Variants in KIAA0825 observed in about 807,000 individuals in gnomAD.
KIAA0825 encodes the protein KIAA0825.
A neutral mutation model predicts 147.6 loss-of-function variants in KIAA0825; 119 were observed. The ratio of observed to expected loss-of-function variants is 0.81; its 90% CI spans 0.69 to 0.94. The LOEUF is 0.94. KIAA0825 is among the 40% of genes least tolerant of loss of function. The pLI is 0.00. For missense variants in KIAA0825, 1,381 were observed against 1,472.7 expected, an observed-to-expected ratio of 0.94 and a Z score of 1.02; for synonymous variants, 470 against 518.1, an observed-to-expected ratio of 0.91 and a Z score of 1.26.
intron 20 of KIAA0825, among the ~76,000 whole-genome samples, chr5:94,257,946 T>G (rs747457990): frequency 3.3e-5 from 5 of 152,052 alleles, no homozygotes; most frequent in Non-Finnish European, 5.9e-5. Flanking sequence ...CAAAATTCTC[T>G]TGTCAAGAAA....
intron 14 of KIAA0825, among the ~76,000 whole-genome samples, chr5:94,429,410 CCT>C (rs1341501537): frequency 6.6e-6 from 1 of 151,882 alleles, no homozygotes; most frequent in African/African-American, 2.4e-5. Flanking sequence ...TCCCTTTTCC[CCT>C]GTTTCTGGGG....
At chr5:94,188,105 C>T (rs780463650) in intron 20 of KIAA0825, among the ~76,000 whole-genome samples, 39 of 152,308 alleles carry the variant, frequency 2.6e-4, no homozygotes, top group Admixed American at 3.9e-4. Context: ...CTGTCTACAA[C>T]CCAGAAGAGG....
intron 3 of KIAA0825, among the ~76,000 whole-genome samples, chr5:94,527,018 A>T: frequency 6.6e-6 from 1 of 152,060 alleles, no homozygotes. Context: ...GAATCACGGT[A>T]CTTAAAATTC....
At chr5:94,291,993 A>G (rs763584381) in intron 20 of KIAA0825, among the ~76,000 whole-genome samples, 5 of 152,192 alleles carry the variant, frequency 3.3e-5, no homozygotes, top group Admixed American at 2.0e-4. Flanking sequence ...GTTGCTTATC[A>G]GCTTAAGGAG....
intron 20 of KIAA0825, among the ~76,000 whole-genome samples, chr5:94,179,983 T>C (rs892925023): frequency 7.9e-5 from 12 of 151,986 alleles, no homozygotes; most frequent in Admixed American, 4.6e-4. Context: ...ACGGTAACAA[T>C]TGCCACACAA....
At chr5:94,253,078 C>T (rs1179848729) in intron 20 of KIAA0825, among the ~76,000 whole-genome samples, 1 of 151,960 alleles carries the variant, frequency 6.6e-6, no homozygotes, top group Non-Finnish European at 1.5e-5. Flanking sequence ...TCTGTCTGTG[C>T]CCATTAAACA....
At chr5:94,265,776 G>A (rs1776716510) in intron 20 of KIAA0825, among the ~76,000 whole-genome samples, 1 of 152,168 alleles carries the variant, frequency 6.6e-6, no homozygotes, top group Non-Finnish European at 1.5e-5. Context: ...ATTCCAGCCT[G>A]GGTGACAGGG....
rs70978110 is a variant in KIAA0825, at chr5:94,443,359, T to TACAC, written c.2358-3242_2358-3239dup. Among the ~76,000 whole-genome samples, 1,217 of 148,718 alleles carry TACAC rather than the reference T, an allele frequency of 8.2e-3. 20 individuals carry two copies. The highest frequency in any genetic ancestry group is 0.028 in the African/African-American group (1,140 of 40,388). On this transcript the variant is annotated intron_variant, in intron 13 of 20. Transcript: ENST00000682413. ...TTTTATATATATATATGTATATATA[T>TACAC]ACACACACACACACACACACACACG... is the stretch of plus-strand genomic sequence containing the variant.
chr5:94,256,181 A>G (rs1020356111), intron 20 of KIAA0825, among the ~76,000 whole-genome samples: 3 of 152,150 alleles, frequency 2.0e-5, no homozygotes, highest in Non-Finnish European at 2.9e-5. Flanking sequence ...ATGTGATTCA[A>G]GAAGGAAATG....
At chr5:94,343,893 C>T (rs1782705162) in intron 20 of KIAA0825, among the ~76,000 whole-genome samples, 3 of 152,088 alleles carry the variant, frequency 2.0e-5, no homozygotes, top group Admixed American at 2.0e-4. Flanking sequence ...TATCCAAATG[C>T]TCAATAAATA....
At chr5:94,197,247 G>C (rs990537845) in intron 20 of KIAA0825, among the ~76,000 whole-genome samples, 4 of 152,100 alleles carry the variant, frequency 2.6e-5, no homozygotes, top group Admixed American at 6.5e-5. Context: ...TCACATGCTT[G>C]TTGGCCATGT....
At chr5:94,529,361 TC>T (rs1440429977) in intron 3 of KIAA0825, among the ~76,000 whole-genome samples, 147 of 144,682 alleles carry the variant, frequency 1.0e-3, no homozygotes, top group African/African-American at 3.6e-3. Context: ...TATGTATATA[TC>T]ATATATGTAT....
At chr5:94,298,462 A>C (rs1562355786) in intron 20 of KIAA0825, among the ~76,000 whole-genome samples, 2 of 152,194 alleles carry the variant, frequency 1.3e-5, no homozygotes, top group Non-Finnish European at 2.9e-5. Flanking sequence ...AGAGAAAGCC[A>C]AAGTTAAAAA....
Position 94,396,250 on chromosome 5 carries a change from A to G in KIAA0825, c.3147T>C (p.Gly1049=). Residue 1049 remains glycine (G), a synonymous_variant, in exon 17 of 21, where the codon GGT becomes GGC. Transcript: ENST00000682413. ...SLDRWSKEKL[G]LICMCLKSIM... ...TGCTTTTCAAACACATACAAATTAA[A>G]CCCAATTTTTCTTTACTCCATCTGT... 2 of 1,551,514 alleles carry G rather than the reference A, an allele frequency of 1.3e-6. No homozygotes were observed. The highest frequency in any genetic ancestry group is 2.4e-5 in the South Asian group (2 of 83,988).
intron 7 of KIAA0825, among the ~76,000 whole-genome samples, chr5:94,473,727 A>G (rs1306124994): frequency 6.6e-6 from 1 of 152,246 alleles, no homozygotes; most frequent in Non-Finnish European, 1.5e-5. Context: ...ACAGTAATAT[A>G]CTGACATTTC....
At chr5:94,311,908 C>G (rs1779218166) in intron 20 of KIAA0825, among the ~76,000 whole-genome samples, 1 of 151,590 alleles carries the variant, frequency 6.6e-6, no homozygotes, top group East Asian at 1.9e-4. Context: ...AGTAAAACCT[C>G]AAGTTCTGCC....
chr5:94,584,197 T>G (rs1024731868), intron 1 of KIAA0825, among the ~76,000 whole-genome samples: 3 of 151,868 alleles, frequency 2.0e-5, no homozygotes, highest in Non-Finnish European at 4.4e-5. Context: ...GTTTGAGGAG[T>G]TGACAGAAGT....
rs533740465 is a variant in KIAA0825, at chr5:94,278,713, C to T, written c.3710+105655G>A. On this transcript the variant is annotated intron_variant, in intron 20 of 20. Transcript: ENST00000682413. Reference sequence around the variant, plus strand: ...GGAAATAACTTCTATCCTGAATGATCACTACTTCTTAAGTCATATTTTTGA... The same window carrying T: ...GGAAATAACTTCTATCCTGAATGATTACTACTTCTTAAGTCATATTTTTGA... Among the ~76,000 whole-genome samples the T allele has an allele frequency of 7.9e-5, 12 of 152,244 alleles. No individual in the cohort carries two copies. The South Asian group carries it at 1.0e-3, about 13-fold the overall frequency.
intron 15 of KIAA0825, chr5:94,416,475 A>G (rs1049110458): frequency 1.3e-5 from 2 of 152,174 alleles, no homozygotes; most frequent in Admixed American, 1.3e-4. Context: ...AAAAATCACT[A>G]TTTGAATAGC....
Sources: allele counts gnomAD v4.1 joint callset (sites outside exome capture counted in the v4.1 genomes callset), GRCh38; gene constraint gnomAD v4.1.1; transcripts MANE v1.5; gene names NCBI Gene and HGNC (gene_info 2026-07-23, HGNC 2026-07-21).